Variants in TTC12 observed in about 807,000 individuals in gnomAD.
TTC12 encodes the protein tetratricopeptide repeat protein 12.
Under a neutral mutation model 90.1 loss-of-function variants are expected in TTC12, and 70 were observed. The ratio of observed to expected loss-of-function variants is 0.78; its 90% confidence interval spans 0.64 to 0.95. TTC12 has a LOEUF of 0.95. Ranked by LOEUF, TTC12 falls within the 40% of genes least tolerant of loss-of-function variation. The pLI is 0.00. For synonymous variants in TTC12, 296 were observed against 311.5 expected (o/e 0.95, Z 0.53); for missense variants, 819 against 846.1 (o/e 0.97, Z 0.40).
intron 9 of TTC12, 151 bp downstream of exon 9, chr11:113,338,985 C>G (rs554805601): frequency 2.8e-6 from 2 of 705,888 alleles, no homozygotes; most frequent in African/African-American, 3.6e-5. Context: ...TTAACCAGCC[C>G]ACTCTGCTCC....
downstream of TTC12, among the ~76,000 whole-genome samples, chr11:113,370,482 T>C (rs1428517288): frequency 1.3e-5 from 2 of 152,198 alleles, no homozygotes; most frequent in African/African-American, 4.8e-5. Flanking sequence ...AGCACTGGGC[T>C]TCTGTGACCT....
At chr11:113,368,266 G>A (rs1383710187), downstream of TTC12, 4 of 1,529,534 alleles carry the variant, frequency 2.6e-6, no homozygotes, top group African/African-American at 5.5e-5. Context: ...CAGGTGGGAA[G>A]AGATGTTTCA....
chr11:113,368,452 G>A (rs775443831), downstream of TTC12: 47 of 1,550,340 alleles, frequency 3.0e-5, no homozygotes, highest in Admixed American at 7.8e-5. Context: ...TTGGAGACAC[G>A]GCTTGTTCCA....
chr11:113,363,799 T>C (rs1446603897), intron 19 of TTC12, 29 bp from the exon 20 acceptor site: 3 of 1,524,960 alleles, frequency 2.0e-6, no homozygotes, highest in Non-Finnish European at 1.8e-6. Context: ...GCACTGATTT[T>C]ATTTTTCTAA....
chr11:113,338,152 T>C (rs1478287095), intron 8 of TTC12, among the ~76,000 whole-genome samples: 9 of 152,190 alleles, frequency 5.9e-5, no homozygotes, highest in African/African-American at 1.9e-4. Flanking sequence ...GCAGTTCTTA[T>C]ATTCTTGTGA....
intron 2 of TTC12, among the ~76,000 whole-genome samples, chr11:113,321,379 A>T (rs1229733048): frequency 3.3e-5 from 5 of 152,174 alleles, no homozygotes; most frequent in Non-Finnish European, 1.5e-5. Context: ...TCAATTCAGC[A>T]TTTATTTACT....
At chr11:113,337,628 C>A in intron 8 of TTC12, among the ~76,000 whole-genome samples, 1 of 152,052 alleles carries the variant, frequency 6.6e-6, no homozygotes, top group East Asian at 1.9e-4. Context: ...AGGACTTTGG[C>A]TTTTACTTTG....
chr11:113,359,577 C>T (rs1253283294), intron 17 of TTC12, 116 bp downstream of exon 17: 8 of 737,356 alleles, frequency 1.1e-5, no homozygotes, highest in East Asian at 7.5e-5. Context: ...ACACACTGGC[C>T]GTGGAATGGG....
At chr11:113,360,668 CCT>C (rs376886596) in intron 18 of TTC12, among the ~76,000 whole-genome samples, 161 of 152,232 alleles carry the variant, frequency 1.1e-3, no homozygotes, top group East Asian at 7.4e-3. Context: ...CGTTTTTCTC[CCT>C]GTCAGGGCAG....
chr11:113,373,174 C>T, exon 22 of TTC12: 1 of 985,334 alleles, frequency 1.0e-6, no homozygotes, highest in African/African-American at 1.7e-5. Flanking sequence ...AAGATCTAGA[C>T]CAGGTACTCA....
At chr11:113,346,449 C>T (rs1008432312) in intron 13 of TTC12, among the ~76,000 whole-genome samples, 9 of 152,062 alleles carry the variant, frequency 5.9e-5, no homozygotes, top group Admixed American at 1.3e-4. Context: ...GCTATTGGTG[C>T]GGTGGCTTAA....
intron 6 of TTC12, chr11:113,329,558 C>G: frequency 4.3e-6 from 2 of 465,590 alleles, no homozygotes; most frequent in Admixed American, 4.7e-5. Flanking sequence ...GTGAAGGCCT[C>G]AGCTCATGTC....
At chr11:113,343,413 T>C (rs1025283462) in intron 12 of TTC12, among the ~76,000 whole-genome samples, 3 of 152,192 alleles carry the variant, frequency 2.0e-5, no homozygotes, top group Admixed American at 6.5e-5. Context: ...AGGTGAAGTA[T>C]AGGATTGAGA....
Position 113,338,706 on chromosome 11 carries a change from C to G in TTC12, c.577-68C>G, listed in dbSNP as rs10891536. ...ATAATGAAGCAGCCAAGCCCAATGA[C>G]ACCCAGTGTCTTTCTCATAATCACC... On this transcript the variant is annotated intron_variant, in intron 8 of 21. Transcript: ENST00000529221. The G allele has an allele frequency of 0.43, 538,517 of 1,256,456 alleles. 125,716 individuals are homozygous for G. Among genetic ancestry groups the G allele is most frequent in the Non-Finnish European group, 0.49 (419,688 of 864,458 alleles). The allele number at this position is 1,256,456 out of a possible 1,614,324, so 77.8% of individuals were successfully genotyped here. A position where few individuals can be genotyped will look rare whatever the true frequency, so the allele number is the denominator to read the frequency against.
chr11:113,340,704 T>G lies in TTC12; in HGVS notation c.867T>G (p.Ser289Arg). ...QTLFRMHNGFSIISDNEVIRR... is the reference protein window; with the variant it reads ...QTLFRMHNGFRIISDNEVIRR... The stretch of plus-strand genomic sequence containing the variant: ...TATTCAGAATGCACAATGGATTTAG[T>G]ATCATCAGTGACAACGAGGTCATAA... The change falls in exon 11 of 22, where the codon AGT becomes AGG. Residue 289 changes from serine (S) to arginine (R), a missense_variant. Transcript: ENST00000529221. The G allele has an allele frequency of 6.2e-7, 1 of 1,614,110 alleles. No individual in the cohort carries two copies. Among genetic ancestry groups the G allele is most frequent in the Non-Finnish European group, 8.5e-7 (1 of 1,179,978 alleles).
intron 20 of TTC12, 149 bp downstream of exon 20, chr11:113,364,076 T>C: frequency 5.0e-6 from 3 of 604,556 alleles, no homozygotes; most frequent in Non-Finnish European, 8.8e-6. Context: ...ATGTTTCACA[T>C]CCAGATCTGA....
chr11:113,340,834 A>T (rs201125869), intron 11 of TTC12, 101 bp downstream of exon 11: 1 of 999,152 alleles, frequency 1.0e-6, no homozygotes, highest in African/African-American at 1.6e-5. Flanking sequence ...GTTTCTGAAC[A>T]TTACCCCCCT....
downstream of TTC12, among the ~76,000 whole-genome samples, chr11:113,369,525 A>G (rs534720267): frequency 1.3e-5 from 2 of 150,876 alleles, no homozygotes; most frequent in South Asian, 2.1e-4. Flanking sequence ...GGTGGGTATT[A>G]TCTCCACTTT....
At chr11:113,339,050 A>G (rs1231647316) in intron 9 of TTC12, among the ~76,000 whole-genome samples, 2 of 152,052 alleles carry the variant, frequency 1.3e-5, no homozygotes, top group African/African-American at 4.8e-5. Context: ...CATTTTCTAC[A>G]CCATCCTCCC....
Sources: gnomAD v4.1 joint callset for allele counts (sites outside exome capture counted in the v4.1 genomes callset) on GRCh38, gnomAD v4.1.1 for gene constraint, MANE v1.5 for transcripts, NCBI Gene and HGNC (gene_info 2026-07-23, HGNC 2026-07-21) for gene names.